ANO9: variants seen among roughly 807,000 people sequenced by gnomAD.
ANO9 encodes the protein anoctamin 9.
ANO9 carries 80 observed loss-of-function variants against 100.5 expected under a neutral mutation model. The observed-to-expected ratio is 0.80, with a 90% confidence interval of 0.66 to 0.96. The LOEUF is 0.96. Among genes scored for constraint, ANO9 ranks in the 40% least tolerant of loss-of-function variants. The pLI, the probability that ANO9 is intolerant of heterozygous loss-of-function variation, is 0.00. For synonymous variants in ANO9, 473 were observed against 435.6 expected (o/e 1.09, Z -1.07); for missense variants, 1,064 against 1,072.7 (o/e 0.99, Z 0.11).
rs755720090 is a variant in ANO9 at position 428,562 on chromosome 11, G to A, written c.1098C>T (p.Ala366=). Residue 366 remains alanine, a synonymous_variant, in exon 13 of 23, where the codon GCC becomes GCT. Coordinates refer to ENST00000332826, the MANE Select transcript of ANO9 (RefSeq NM_001012302.3). ...TCACCTGCTCCTCCAGGAAGGGCAC[G>A]GCCGAGCTGCTGAAGAGCGCGGAGG... ...VLASALFSSS[A]VPFLEEQVTT... is the part of the protein sequence containing the mutation. The A allele has an allele frequency of 4.3e-5, 69 of 1,612,560 alleles. No homozygotes were observed. Among genetic ancestry groups the A allele is most frequent in the Middle Eastern group, 1.6e-4 (1 of 6,084 alleles).
chr11:424,009 A>G (rs1848350971), intron 15 of ANO9, among the ~76,000 whole-genome samples: 1 of 151,696 alleles, frequency 6.6e-6, no homozygotes, highest in Admixed American at 6.6e-5. Flanking sequence ...CCTGGGTTCA[A>G]GTGATTCTTG....
In ANO9 at chr11:421,170, G is replaced by A; in HGVS notation, c.1363C>T (p.Arg455Cys). The change falls in exon 16 of 23, where the codon CGC (arginine) becomes TGC (cysteine). Residue 455 changes from arginine to cysteine, a missense_variant. Transcript: ENST00000332826. This position sits in a 1 kb window ranked among gnomAD's most constrained non-coding sequence, Gnocchi z 6.8. ...TCCAGCTTCCACAAGCCCGCCAGGC[G>A]CGTGGACTTCCCGGGGTGGCCGTTG... ...RINGHPGKST[R>C]LAGLWKLEEC... 1.3e-6 allele frequency: 2 copies of A among 1,564,802 alleles called. No individual in the cohort carries two copies. Among genetic ancestry groups the A allele is most frequent in the Non-Finnish European group, 1.7e-6 (2 of 1,151,370 alleles).
intron 1 of ANO9, among the ~76,000 whole-genome samples, chr11:441,127 T>G (rs1483162373): frequency 2.0e-5 from 3 of 151,988 alleles, no homozygotes; most frequent in African/African-American, 7.3e-5. Context: ...TGGGCGGAGA[T>G]GGAGCAAGAG....
In ANO9 at chr11:418,500, G is replaced by T; in HGVS notation, c.2220C>A (p.Tyr740Ter). 2.5e-6 allele frequency: 4 copies of T among 1,613,170 alleles called. No individual in the cohort carries two copies. In the Middle Eastern group the frequency reaches 6.6e-4, roughly 266 times the overall value. ...GCCACATCTTCTCACGCAGCCTCTG[G>T]TACTTCACCTCCAGAACCTTGTTCT... Reference protein sequence around the residue: ...SVKNKVLEVKYQRLREKMWHG... With the variant: ...SVKNKVLEVK The change falls in exon 23 of 23, where the codon TAC (tyrosine) becomes TAA (stop). Residue 740 changes from tyrosine (Y) to a stop codon, truncating the protein, a stop_gained. Transcript: ENST00000332826. LOFTEE classifies it low-confidence loss of function (END_TRUNC).
rs1442200844 is a variant in ANO9, at chr11:431,828, C to T, written c.465+20G>A. 2.5e-6 allele frequency: 4 copies of T among 1,611,536 alleles called. No individual in the cohort carries two copies. The highest frequency in any genetic ancestry group is 1.1e-5 in the South Asian group (1 of 91,026). On this transcript the variant is annotated intron_variant, in intron 6 of 22. Coordinates refer to ENST00000332826, the MANE Select transcript of ANO9 (RefSeq NM_001012302.3). ...CAGGGTCCCACCCCAGGGCCCTCTC[C>T]AGGCCAGCCCACCCCTCACCTTGTG...
chr11:433,704 G>A, intron 3 of ANO9, 111 bp downstream of exon 3: 1 of 1,455,332 alleles, frequency 6.9e-7, no homozygotes, highest in Non-Finnish European at 9.1e-7. Context: ...GCCATGACCG[G>A]CCCCACAGCC....
chr11:428,944 G>T (rs1488731395), intron 11 of ANO9, 118 bp from the exon 12 acceptor site: 56 of 962,898 alleles, frequency 5.8e-5, no homozygotes, highest in Non-Finnish European at 8.4e-5. Context: ...CACACATGGG[G>T]AGACAGACAC....
Position 418,449 on chromosome 11 carries a change from C to T in ANO9, c.2271G>A (p.Val757=), listed in dbSNP as rs1278437956. Residue 757 remains valine, a synonymous_variant, in exon 23 of 23, where the codon GTG becomes GTA. Coordinates refer to ENST00000332826, the MANE Select transcript of ANO9 (RefSeq NM_001012302.3). The part of the protein sequence containing the change: ...MWHGRQRLGG[V]GAGSRPPMPA... ...GCATTGGGGGCCGAGAGCCTGCCCCCACCCCACCCAGCCTCTGCCTTCCAT... is the reference window on the plus strand; with the variant it reads ...GCATTGGGGGCCGAGAGCCTGCCCCTACCCCACCCAGCCTCTGCCTTCCAT... The T allele has an allele frequency of 1.2e-6, 2 of 1,612,770 alleles. No individual in the cohort carries two copies. The highest frequency in any genetic ancestry group is 1.3e-5 in the African/African-American group (1 of 75,044).
intron 22 of ANO9, 41 bp from the exon 23 acceptor site, chr11:418,630 A>C: frequency 2.5e-6 from 4 of 1,611,246 alleles, no homozygotes; most frequent in Non-Finnish European, 3.4e-6. Flanking sequence ...GTCAGGTGCC[A>C]GCTGGCATTT....
chr11:419,353 G>A (rs565786288), intron 20 of ANO9: 3 of 1,413,670 alleles, frequency 2.1e-6, no homozygotes, highest in South Asian at 3.2e-5. Context: ...AGCCAGGTCT[G>A]GGAACTTCAC....
At chr11:433,787 C>T in intron 3 of ANO9, 28 bp downstream of exon 3, 1 of 1,546,670 alleles carries the variant, frequency 6.5e-7, no homozygotes. Context: ...GGCCCCATGG[C>T]CCTGCCCCTC....
intron 13 of ANO9, 27 bp downstream of exon 13, chr11:428,448 T>G: frequency 6.2e-7 from 1 of 1,612,438 alleles, no homozygotes; most frequent in South Asian, 1.1e-5. Context: ...ACCCCCCAGC[T>G]CGGGCCTGCC....
chr11:437,983 G>T (rs772645209), intron 1 of ANO9, among the ~76,000 whole-genome samples: 9 of 152,174 alleles, frequency 5.9e-5, no homozygotes, highest in Non-Finnish European at 8.8e-5. Context: ...CCCAGACCAG[G>T]CAGGACTTTC....
intron 1 of ANO9, among the ~76,000 whole-genome samples, chr11:434,564 C>T (rs762141767): frequency 6.6e-6 from 1 of 152,178 alleles, no homozygotes; most frequent in Non-Finnish European, 1.5e-5. Flanking sequence ...TTGAACGCTC[C>T]CAACCCCTGG....
Position 419,707 on chromosome 11 carries a change from C to T in ANO9, c.1809G>A (p.Glu603=). Residue 603 remains glutamate, a synonymous_variant, in exon 20 of 23, where the codon GAG becomes GAA. Coordinates refer to ENST00000332826, the MANE Select transcript of ANO9 (RefSeq NM_001012302.3). ...CAATGACCGCCAGCACACCGATGGT[C>T]TCCAGCACCTGCAGCCAGGTCCCTG... ...KDIGTWLQVL[E]TIGVLAVIAN... is the part of the protein sequence containing the mutation. 1 of 1,603,470 alleles carries T rather than the reference C, an allele frequency of 6.2e-7. No homozygotes were observed. Among genetic ancestry groups the T allele is most frequent in the Middle Eastern group, 1.7e-4 (1 of 5,968 alleles).
rs1848025540 is a variant in ANO9 at position 419,192 on chromosome 11, C to G, written c.1935-203G>C. The G allele has an allele frequency of 2.4e-5, 35 of 1,431,844 alleles. 1 individual carries two copies. The South Asian group carries it at 4.6e-4, about 19-fold the overall frequency. The allele number at this position is 1,431,844 out of a possible 1,614,324, so 88.7% of individuals were successfully genotyped here. The stretch of plus-strand genomic sequence containing the variant: ...TGGGGACTGTGGGGACTCTGGGCAT[C>G]ACCAGCCACTTTCCCTGCCAGAGAC... On this transcript the variant is annotated intron_variant, in intron 20 of 22. Coordinates refer to ENST00000332826, the MANE Select transcript of ANO9 (RefSeq NM_001012302.3).
intron 1 of ANO9, among the ~76,000 whole-genome samples, chr11:435,516 C>T (rs1450584765): frequency 7.4e-6 from 1 of 135,650 alleles, no homozygotes; most frequent in Non-Finnish European, 1.6e-5. Flanking sequence ...CTAGTCTAGT[C>T]TAGTATGGTC....
chr11:438,456 C>A (rs1845555470), intron 1 of ANO9, among the ~76,000 whole-genome samples: 1 of 146,270 alleles, frequency 6.8e-6, no homozygotes, highest in South Asian at 2.2e-4. Flanking sequence ...TGTAGCCACC[C>A]CCTGACACAC....
At position 421,442 on chromosome 11, in the gene ANO9, CACACACACACACACCCCCACACA is replaced by C. The variant is rs1350283856; in HGVS notation, c.1335-267_1335-245del. Among the ~76,000 whole-genome samples, 1,241 of 129,694 alleles carry C rather than the reference CACACACACACACACCCCCACACA, an allele frequency of 9.6e-3. 56 individuals are homozygous for C. Among genetic ancestry groups the C allele is most frequent in the African/African-American group, 0.021 (706 of 34,024 alleles). The allele number at this position is 129,694 out of a possible 152,430, so 85.1% of individuals were successfully genotyped here. The stretch of plus-strand genomic sequence containing the variant: ...AACCGCACCCACACGTGGGCGCGCG[CACACACACACACACCCCCACACA>C]GGGGAGGCCACAGGCTCCCAGACGA... On this transcript the variant is annotated intron_variant, in intron 15 of 22. Coordinates refer to ENST00000332826, the MANE Select transcript of ANO9 (RefSeq NM_001012302.3). The surrounding 1 kb of genome is among the most constrained non-coding windows in gnomAD (Gnocchi z 6.8).
Sources: allele counts gnomAD v4.1 joint callset (sites outside exome capture counted in the v4.1 genomes callset), GRCh38; gene constraint gnomAD v4.1.1; non-coding constraint Gnocchi (gnomAD v3.1); transcripts MANE v1.5; gene names NCBI Gene and HGNC (gene_info 2026-07-23, HGNC 2026-07-21).